The following ZBBX variants were observed in gnomAD, a reference collection of about 807,000 sequenced individuals.
The protein encoded by ZBBX is zinc finger B-box domain-containing protein 1.
In ZBBX, 101 loss-of-function variants were observed where a neutral mutation model predicts 108.5. That is an observed-to-expected ratio of 0.93 (90% CI 0.79 to 1.10). ZBBX has a LOEUF of 1.10. ZBBX is among the 50% of genes least tolerant of loss of function. The probability of loss-of-function intolerance (pLI) is 0.00; values close to 1 mark genes in which losing one functional copy is unlikely to be tolerated. For synonymous variants in ZBBX, 356 were observed against 323.4 expected (o/e 1.10, Z -1.08); for missense variants, 1,009 against 941.4 (o/e 1.07, Z -0.94).
In ZBBX at chr3:167,266,601, G is replaced by A. The variant is rs116300480; in HGVS notation, c.2254+15637C>T. Reference sequence around the variant, plus strand: ...CCAATTGGGTCAGCTCAGATTTTGCGGTCCAACCCCAGCCCACGGGGGAAG... The same window carrying A: ...CCAATTGGGTCAGCTCAGATTTTGCAGTCCAACCCCAGCCCACGGGGGAAG... On this transcript the variant is annotated intron_variant, in intron 20 of 21. Coordinates refer to ENST00000675490, the MANE Select transcript of ZBBX (RefSeq NM_001199201.2). Among the ~76,000 whole-genome samples, 1,227 of 152,140 alleles carry A rather than the reference G, an allele frequency of 8.1e-3. 17 individuals carry two copies. Among genetic ancestry groups the A allele is most frequent in the African/African-American group, 0.028 (1,145 of 41,488 alleles).
chr3:167,343,930 C>A (rs1017525689), intron 9 of ZBBX, among the ~76,000 whole-genome samples: 10 of 151,908 alleles, frequency 6.6e-5, no homozygotes, highest in Non-Finnish European at 1.0e-4. Context: ...ATGTTCATGG[C>A]AGCATTACTT....
rs564050210 is a variant in ZBBX, at chr3:167,400,406, T to C, written c.-446+7320A>G. 8.5e-5 allele frequency among the ~76,000 whole-genome samples: 13 copies of C among 152,322 alleles called. 1 individual carries two copies. In the South Asian group the frequency reaches 2.5e-3, roughly 29 times the overall value. ...TTTTAATAATAGGCATTCTTACTTA[T>C]GTGAGATGATATCTTATTGTGGTTT... On this transcript the variant is annotated intron_variant, in intron 1 of 21. Coordinates refer to the ZBBX transcript ENST00000455345.
the ZBBX span, among the ~76,000 whole-genome samples, chr3:167,183,828 C>G: frequency 1.3e-5 from 2 of 152,282 alleles, no homozygotes; most frequent in Admixed American, 1.3e-4. Flanking sequence ...ATGAGCATGT[C>G]ACAGTGCTGC....
intron 18 of ZBBX, among the ~76,000 whole-genome samples, chr3:167,294,328 T>C (rs959385832): frequency 2.6e-5 from 4 of 151,962 alleles, no homozygotes; most frequent in Non-Finnish European, 5.9e-5. Context: ...AAAACAGCAT[T>C]GTACTGGTAC....
chr3:167,279,102 A>G (rs1728262994), intron 20 of ZBBX, among the ~76,000 whole-genome samples: 1 of 150,898 alleles, frequency 6.6e-6, no homozygotes, highest in Non-Finnish European at 1.5e-5. Flanking sequence ...GACATATTTC[A>G]AAATAATAAG....
chr3:167,259,865 T>A (rs975421053), intron 20 of ZBBX, among the ~76,000 whole-genome samples: 8 of 152,158 alleles, frequency 5.3e-5, no homozygotes, highest in African/African-American at 9.7e-5. Flanking sequence ...TTTTAAAAAA[T>A]TTATTGAGGC....
intron 8 of ZBBX, among the ~76,000 whole-genome samples, chr3:167,355,689 T>G (rs1743455064): frequency 6.6e-6 from 1 of 151,464 alleles, no homozygotes; most frequent in Non-Finnish European, 1.5e-5. Context: ...AACATCAGAG[T>G]TTAACAATAC....
rs1320317482 is a variant in ZBBX at position 167,373,037 on chromosome 3, T to G, written c.-49-87A>C. 1.0e-5 allele frequency: 6 copies of G among 592,734 alleles called. No individual in the cohort carries two copies. In the East Asian group the frequency reaches 1.8e-4, roughly 18 times the overall value. 36.7% of individuals were successfully genotyped at this position (592,734 alleles called of 1,614,324 possible). On this transcript the variant is annotated intron_variant, in intron 3 of 21. Coordinates refer to ENST00000675490, the MANE Select transcript of ZBBX (RefSeq NM_001199201.2). ...CAAAACTCCATATAATTCAGGAATGTTTTTAAAACCTTATGAGCAAAAAGG... is the reference window on the plus strand; with the variant it reads ...CAAAACTCCATATAATTCAGGAATGGTTTTAAAACCTTATGAGCAAAAAGG...
chr3:167,348,914 A>G (rs1037367532), intron 9 of ZBBX, among the ~76,000 whole-genome samples: 5 of 152,106 alleles, frequency 3.3e-5, no homozygotes, highest in African/African-American at 1.2e-4. Flanking sequence ...CAACGTTTAG[A>G]AAGCATACTG....
chr3:167,319,431 G>T (rs2108307514), intron 12 of ZBBX, among the ~76,000 whole-genome samples: 1 of 152,054 alleles, frequency 6.6e-6, no homozygotes. Flanking sequence ...GTGGGGGCAG[G>T]GGTACTGTGG....
At chr3:167,313,911 G>T in intron 16 of ZBBX, 63 bp downstream of exon 16, 3 of 1,384,062 alleles carry the variant, frequency 2.2e-6, no homozygotes, top group Middle Eastern at 2.2e-4. Context: ...AGCTTTTATA[G>T]ACTGCAATAG....
At chr3:167,344,126 C>A (rs1051520578) in intron 9 of ZBBX, among the ~76,000 whole-genome samples, 1 of 151,790 alleles carries the variant, frequency 6.6e-6, no homozygotes, top group Admixed American at 6.6e-5. Flanking sequence ...TAAAAGGCCA[C>A]ATATGACATG....
chr3:167,230,355 A>ATT, the ZBBX span, among the ~76,000 whole-genome samples: 1 of 151,880 alleles, frequency 6.6e-6, no homozygotes, highest in South Asian at 2.1e-4. Flanking sequence ...TGACATAGTT[A>ATT]TTAATGAGAC....
chr3:167,397,601 C>T (rs1395608648), intron 1 of ZBBX, among the ~76,000 whole-genome samples: 1 of 151,736 alleles, frequency 6.6e-6, no homozygotes, highest in Non-Finnish European at 1.5e-5. Flanking sequence ...AATTTTTCTG[C>T]TTCCAGGAAA....
At chr3:167,197,114 G>C in the ZBBX span, among the ~76,000 whole-genome samples, 4 of 152,128 alleles carry the variant, frequency 2.6e-5, no homozygotes, top group African/African-American at 9.7e-5. Context: ...CCTTCCATTT[G>C]GTGACAAAGA....
rs76563279 is a variant in ZBBX, at chr3:167,317,566, G to A, written c.1015C>T (p.Pro339Ser). The A allele has an allele frequency of 2.9e-3, 4,707 of 1,609,934 alleles. 122 individuals are homozygous for A. In the East Asian group the frequency reaches 0.063, roughly 22 times the overall value. ...TCATGTGGATGTGGGAACGTATCTG[G>A]TAGCATTTTAAAAAGTTGCTCTTGT... ...TPQEQLFKML[P>S]DTFPHPHETT... Residue 339 changes from proline to serine, a missense_variant, in exon 13 of 22, where the codon CCA becomes TCA. Pro to Ser is a moderately conservative substitution (Grantham distance 74). Coordinates refer to ENST00000675490, the MANE Select transcript of ZBBX (RefSeq NM_001199201.2).
intron 8 of ZBBX, among the ~76,000 whole-genome samples, chr3:167,354,879 T>A (rs1156567355): frequency 1.3e-5 from 2 of 151,980 alleles, no homozygotes; most frequent in Non-Finnish European, 2.9e-5. Context: ...GGAAGATCAA[T>A]GCTGGACTTG....
chr3:167,336,016 T>C (rs1045529994), intron 9 of ZBBX, among the ~76,000 whole-genome samples: 3 of 152,092 alleles, frequency 2.0e-5, no homozygotes, highest in African/African-American at 7.2e-5. Context: ...TCATTTAAAA[T>C]GTCCTAGAAT....
At chr3:167,276,381 C>G (rs1157086088) in intron 20 of ZBBX, among the ~76,000 whole-genome samples, 1 of 152,178 alleles carries the variant, frequency 6.6e-6, no homozygotes, top group African/African-American at 2.4e-5. Context: ...ATAACCAATA[C>G]AGAGAAGTGC....
Sources: allele counts gnomAD v4.1 joint callset (sites outside exome capture counted in the v4.1 genomes callset), GRCh38; gene constraint gnomAD v4.1.1; transcripts MANE v1.5; gene names NCBI Gene and HGNC (gene_info 2026-07-23, HGNC 2026-07-21).